Variants in TXLNA observed in about 807,000 individuals in gnomAD.
TXLNA encodes alpha-taxilin.
In TXLNA, 9 loss-of-function variants were observed where a neutral mutation model predicts 61.4. The ratio of observed to expected loss-of-function variants is 0.15; its 90% CI spans 0.09 to 0.26. The LOEUF is 0.26. Ranked by LOEUF, TXLNA falls within the 10% of genes least tolerant of loss-of-function variation. The pLI is 1.00. For missense variants in TXLNA, 565 were observed against 688.8 expected (o/e 0.82, Z 2.01); for synonymous variants, 257 against 267.7 (o/e 0.96, Z 0.39).
rs75073861 is a variant in TXLNA at position 32,195,096 on chromosome 1, C to G, written c.1542C>G (p.Ser514Arg). ...AGGGGCCTGGGGCTCAAGCACCCAGCTCCCCCAGGGTCACAGAAGCGCCTT... is the reference window on the plus strand; with the variant it reads ...AGGGGCCTGGGGCTCAAGCACCCAGGTCCCCCAGGGTCACAGAAGCGCCTT... ...RPEGPGAQAP[S>R]SPRVTEAPCY... The change falls in exon 11 of 11, where the codon AGC becomes AGG. Residue 514 changes from serine (S) to arginine (R), a missense_variant. Coordinates refer to ENST00000373610, the MANE Select transcript of TXLNA (RefSeq NM_175852.4). 3,200 of 1,614,128 alleles carry G rather than the reference C, an allele frequency of 2.0e-3. 50 individuals carry two copies. The African/African-American group carries it at 0.037, about 19-fold the overall frequency.
chr1:32,184,979 C>A (rs1642749683), intron 4 of TXLNA, among the ~76,000 whole-genome samples: 1 of 152,196 alleles, frequency 6.6e-6, no homozygotes, highest in South Asian at 2.1e-4. Context: ...TTTCCTTTTA[C>A]TCCAGAGCAG....
In TXLNA at chr1:32,187,934, C is replaced by T; in HGVS notation, c.598-20C>T. On this transcript the variant is annotated intron_variant, in intron 4 of 10. Transcript: ENST00000373610. ...AGGCCCCACAAGATGCTCACCTGCC[C>T]TCCCTATCCCTGTCCCCAGCTGGAG... 6.2e-7 allele frequency: 1 copy of T among 1,609,320 alleles called. No individual in the cohort carries two copies. Among genetic ancestry groups the T allele is most frequent in the African/African-American group, 1.3e-5 (1 of 74,932 alleles).
At chr1:32,190,320 C>G in intron 6 of TXLNA, 71 bp downstream of exon 6, 2 of 1,425,332 alleles carry the variant, frequency 1.4e-6, no homozygotes, top group Middle Eastern at 1.8e-4. Flanking sequence ...GGCACTGGGA[C>G]AGTACCTTTT....
chr1:32,191,521 C>T (rs931722747), intron 6 of TXLNA, among the ~76,000 whole-genome samples: 10 of 152,088 alleles, frequency 6.6e-5, no homozygotes, highest in East Asian at 3.9e-4. Context: ...CAGTGAGACA[C>T]GAACTTCAAG....
rs1321553983 is a variant in TXLNA, at chr1:32,197,666, T to G, written c.*2471T>G. 2.6e-5 allele frequency: 4 copies of G among 152,220 alleles called. No individual in the cohort carries two copies. Among genetic ancestry groups the G allele is most frequent in the African/African-American group, 9.7e-5 (4 of 41,448 alleles). The allele number at this position is 152,220 out of a possible 1,614,324, so 9.4% of individuals were successfully genotyped here. ...TCAGTTTTAGGACCAAGATCTGTGT[T>G]GGTTTCTTAGATTGCTAGCTTTTCC... is the stretch of plus-strand genomic sequence containing the variant. On this transcript the variant is annotated 3_prime_UTR_variant, in exon 11 of 11. Transcript: ENST00000373610. The surrounding 1 kb of genome is among the most constrained non-coding windows in gnomAD (Gnocchi z 4.6).
Position 32,192,163 on chromosome 1 carries a change from T to A in TXLNA, c.964-148T>A. The A allele has an allele frequency of 8.2e-7, 1 of 1,223,908 alleles. No homozygotes were observed. Among genetic ancestry groups the A allele is most frequent in the Non-Finnish European group, 1.1e-6 (1 of 884,438 alleles). 75.8% of individuals were successfully genotyped at this position (1,223,908 alleles called of 1,614,324 possible). A position where few individuals can be genotyped will look rare whatever the true frequency, so the allele number is the denominator to read the frequency against. ...TTGGAAAGCTGACCTTCCAGAGACTTGGGGCCCATGTTGTGTGGTACACAT... is the reference window on the plus strand; with the variant it reads ...TTGGAAAGCTGACCTTCCAGAGACTAGGGGCCCATGTTGTGTGGTACACAT... On this transcript the variant is annotated intron_variant, in intron 6 of 10. Transcript: ENST00000373610. This position sits in a 1 kb window ranked among gnomAD's most constrained non-coding sequence, Gnocchi z 4.2.
At position 32,189,916 on chromosome 1, in the gene TXLNA, T is replaced by C. The variant is rs1223880509; in HGVS notation, c.769-139T>C. On this transcript the variant is annotated intron_variant, in intron 5 of 10. Coordinates refer to ENST00000373610, the MANE Select transcript of TXLNA (RefSeq NM_175852.4). ...ACAGAGGGGCCCATTGGAACCCGCA[T>C]TGCACAACATCCTGGAGTCTGGCTA... 6.0e-6 allele frequency: 5 copies of C among 828,798 alleles called. No individual in the cohort carries two copies. The South Asian group carries it at 7.4e-5, about 12-fold the overall frequency. 51.3% of individuals were successfully genotyped at this position (828,798 alleles called of 1,614,324 possible).
intron 4 of TXLNA, among the ~76,000 whole-genome samples, chr1:32,187,133 C>T (rs1409245015): frequency 6.6e-6 from 1 of 152,098 alleles, no homozygotes; most frequent in Non-Finnish European, 1.5e-5. Context: ...AACTCCTGAC[C>T]TCAAGTGATC....
intron 10 of TXLNA, 68 bp downstream of exon 10, chr1:32,194,228 A>G (rs1233905011): frequency 3.9e-6 from 5 of 1,285,114 alleles, no homozygotes; most frequent in South Asian, 2.5e-5. Flanking sequence ...CCTTTCCTGT[A>G]TGTTCTACCC....
chr1:32,181,346 C>A lies in TXLNA; in HGVS notation c.274C>A (p.Gln92Lys). Reference protein sequence around the residue: ...ILSTYCVDNNQGGPGEDGAQG... With the variant: ...ILSTYCVDNNKGGPGEDGAQG... Reference sequence around the variant, plus strand: ...GAGCACATACTGTGTGGACAATAACCAGGGGGGCCCCGGCGAGGATGGGGC... The same window carrying A: ...GAGCACATACTGTGTGGACAATAACAAGGGGGGCCCCGGCGAGGATGGGGC... Residue 92 changes from glutamine to lysine, a missense_variant, in exon 3 of 11, where the codon CAG (glutamine) becomes AAG (lysine). Transcript: ENST00000373610. 1 of 1,614,154 alleles carries A rather than the reference C, an allele frequency of 6.2e-7. No individual in the cohort carries two copies. The highest frequency in any genetic ancestry group is 8.5e-7 in the Non-Finnish European group (1 of 1,180,034).
rs1393450776 is a variant in TXLNA at position 32,192,031 on chromosome 1, G to A, written c.964-280G>A. 6.6e-6 allele frequency among the ~76,000 whole-genome samples: 1 copy of A among 152,232 alleles called. No homozygotes were observed. The highest frequency in any genetic ancestry group is 2.4e-5 in the African/African-American group (1 of 41,464). On this transcript the variant is annotated intron_variant, in intron 6 of 10. Coordinates refer to ENST00000373610, the MANE Select transcript of TXLNA (RefSeq NM_175852.4). The surrounding 1 kb of genome is among the most constrained non-coding windows in gnomAD (Gnocchi z 4.2). ...CAGCCCCATAGGTGATCAATCCTGG[G>A]GTCAGAGATTTGAGTGTGTTTATTG...
intron 4 of TXLNA, among the ~76,000 whole-genome samples, chr1:32,185,777 C>G (rs1412377853): frequency 6.6e-6 from 1 of 151,488 alleles, no homozygotes; most frequent in Non-Finnish European, 1.5e-5. Flanking sequence ...CGGCTCATTG[C>G]AACCTCCACC....
At position 32,197,731 on chromosome 1, in the gene TXLNA, C is replaced by T. The variant is rs1166403626; in HGVS notation, c.*2536C>T. ...GCAGGTGAAGCTCAAGAGCGCATGG[C>T]TCTGCTAATAGTAAATTGTTTTCAG... On this transcript the variant is annotated 3_prime_UTR_variant, in exon 11 of 11. Transcript: ENST00000373610. The surrounding 1 kb of genome is among the most constrained non-coding windows in gnomAD (Gnocchi z 4.6). The T allele has an allele frequency of 6.6e-6, 1 of 152,244 alleles. No individual in the cohort carries two copies. The highest frequency in any genetic ancestry group is 2.4e-5 in the African/African-American group (1 of 41,444). The allele number at this position is 152,244 out of a possible 1,614,324, so 9.4% of individuals were successfully genotyped here. A position where few individuals can be genotyped will look rare whatever the true frequency, so the allele number is the denominator to read the frequency against.
Position 32,195,081 on chromosome 1 carries a change from G to A in TXLNA, c.1527G>A (p.Gly509=), listed in dbSNP as rs1380955785. Residue 509 remains glycine, a synonymous_variant, in exon 11 of 11, where the codon GGG becomes GGA. Transcript: ENST00000373610. The part of the protein sequence containing the change: ...SGPERRPEGP[G]AQAPSSPRVT... Reference sequence around the variant, plus strand: ...CTGAGAGGAGGCCAGAGGGGCCTGGGGCTCAAGCACCCAGCTCCCCCAGGG... The same window carrying A: ...CTGAGAGGAGGCCAGAGGGGCCTGGAGCTCAAGCACCCAGCTCCCCCAGGG... 1 of 1,614,014 alleles carries A rather than the reference G, an allele frequency of 6.2e-7. No homozygotes were observed. The highest frequency in any genetic ancestry group is 8.5e-7 in the Non-Finnish European group (1 of 1,180,014).
rs1642946378 is a variant in TXLNA at position 32,193,305 on chromosome 1, C to T, written c.1251+5C>T. 1 of 1,609,626 alleles carries T rather than the reference C, an allele frequency of 6.2e-7. No individual in the cohort carries two copies. On this transcript the variant is annotated splice_donor_5th_base_variant and intron_variant, in intron 9 of 10. Transcript: ENST00000373610. Reference sequence around the variant, plus strand: ...TTCAAGCAGGAGATGGAAAAGGTAACTGTGGTCCAGGCCAGGCATGGCTGC... The same window carrying T: ...TTCAAGCAGGAGATGGAAAAGGTAATTGTGGTCCAGGCCAGGCATGGCTGC...
chr1:32,194,499 C>G (rs1255506392), intron 10 of TXLNA, among the ~76,000 whole-genome samples: 1 of 152,178 alleles, frequency 6.6e-6, no homozygotes, highest in Admixed American at 6.5e-5. Context: ...AACGATGGAG[C>G]AGCAACTGCA....
In TXLNA at chr1:32,192,415, G is replaced by A. The variant is rs1456920417; in HGVS notation, c.1068G>A (p.Gln356=). ...TAAAGGAGGCAGAAGAGCGGCACCA[G>A]CGGGAGAAGGATTTTGTGAGGCTCA... is the stretch of plus-strand genomic sequence containing the variant. ...EMLKEAEERH[Q]REKDFLLKEA... The change falls in exon 7 of 11, where the codon CAG becomes CAA. Residue 356 remains glutamine (Q), a synonymous_variant. Transcript: ENST00000373610. This position sits in a 1 kb window ranked among gnomAD's most constrained non-coding sequence, Gnocchi z 4.2. 6.2e-7 allele frequency: 1 copy of A among 1,613,610 alleles called. No individual in the cohort carries two copies.
chr1:32,185,762 G>T (rs188892447), intron 4 of TXLNA, among the ~76,000 whole-genome samples: 1 of 150,434 alleles, frequency 6.6e-6, no homozygotes, highest in Admixed American at 6.7e-5. Flanking sequence ...GCAGTGGCGC[G>T]ATCTCGGCTC....
chr1:32,188,799 C>T (rs939512200), intron 5 of TXLNA, among the ~76,000 whole-genome samples: 9 of 152,214 alleles, frequency 5.9e-5, no homozygotes, highest in African/African-American at 2.2e-4. Context: ...TAGTATTTCT[C>T]AATGAAATGA....
Sources: gnomAD v4.1 joint callset for allele counts (sites outside exome capture counted in the v4.1 genomes callset) on GRCh38, gnomAD v4.1.1 for gene constraint, Gnocchi (gnomAD v3.1) non-coding constraint, MANE v1.5 for transcripts, NCBI Gene and HGNC (gene_info 2026-07-23, HGNC 2026-07-21) for gene names.